DOCK6: variants seen among roughly 807,000 people sequenced by gnomAD.
DOCK6 encodes dedicator of cytokinesis protein 6.
A neutral mutation model predicts 230.3 loss-of-function variants in DOCK6; 167 were observed. The ratio of observed to expected loss-of-function variants is 0.73; its 90% confidence interval spans 0.64 to 0.82. The LOEUF is 0.82. Ranked by LOEUF, DOCK6 falls within the 40% of genes least tolerant of loss-of-function variation. The probability of loss-of-function intolerance (pLI) is 0.00; values close to 1 mark genes in which losing one functional copy is unlikely to be tolerated. For missense variants in DOCK6, 2,598 were observed against 2,825.8 expected (o/e 0.92, Z 1.83); for synonymous variants, 1,148 against 1,185.0 (o/e 0.97, Z 0.64).
intron 1 of DOCK6, among the ~76,000 whole-genome samples, chr19:11,257,526 T>C (rs903309775): frequency 6.7e-6 from 1 of 149,372 alleles, no homozygotes; most frequent in African/African-American, 2.5e-5. Context: ...CTGTGGCTTA[T>C]GCCTGTAATC....
chr19:11,201,143 T>A lies in DOCK6; in HGVS notation c.5689-91A>T. 1 of 1,485,154 alleles carries A rather than the reference T, an allele frequency of 6.7e-7. No individual in the cohort carries two copies. Among genetic ancestry groups the A allele is most frequent in the Non-Finnish European group, 9.1e-7 (1 of 1,094,536 alleles). The allele number at this position is 1,485,154 out of a possible 1,614,324, so 92.0% of individuals were successfully genotyped here. A position where few individuals can be genotyped will look rare whatever the true frequency, so the allele number is the denominator to read the frequency against. On this transcript the variant is annotated intron_variant, in intron 44 of 47. Transcript: ENST00000294618. The surrounding 1 kb of genome is among the most constrained non-coding windows in gnomAD (Gnocchi z 4.3). Reference sequence around the variant, plus strand: ...GGGGCAGCTCAGACCCCGCTGGGAGTGAGAGGGGTCCAAGAACCCAGGCAA... The same window carrying A: ...GGGGCAGCTCAGACCCCGCTGGGAGAGAGAGGGGTCCAAGAACCCAGGCAA...
intron 24 of DOCK6, among the ~76,000 whole-genome samples, chr19:11,223,665 G>T (rs2079617388): frequency 6.6e-6 from 1 of 151,760 alleles, no homozygotes; most frequent in Non-Finnish European, 1.5e-5. Context: ...TTTATTTTTT[G>T]AGATGGAGTC....
At chr19:11,239,498 C>A in intron 14 of DOCK6, 1 of 1,060,816 alleles carries the variant, frequency 9.4e-7, no homozygotes, top group Non-Finnish European at 1.4e-6. Context: ...TCGCCTGATG[C>A]AACTATCGCA....
intron 31 of DOCK6, 78 bp downstream of exon 31, chr19:11,215,723 C>A: frequency 6.2e-7 from 1 of 1,600,822 alleles, no homozygotes; most frequent in South Asian, 1.1e-5. Context: ...CTAGGGATGG[C>A]CCCCTTCATG....
At chr19:11,213,452 C>G in intron 34 of DOCK6, 124 bp from the exon 35 acceptor site, 1 of 1,389,942 alleles carries the variant, frequency 7.2e-7, no homozygotes, top group African/African-American at 1.4e-5. Flanking sequence ...CCAAGTACCA[C>G]TGGGTTCGGA....
At chr19:11,242,643 C>G (rs1440897699) in intron 13 of DOCK6, among the ~76,000 whole-genome samples, 2 of 151,988 alleles carry the variant, frequency 1.3e-5, no homozygotes, top group Non-Finnish European at 2.9e-5. Flanking sequence ...CTGCCCGCCT[C>G]GGCCTCCCAA....
At chr19:11,212,769 T>C (rs1022113962) in intron 35 of DOCK6, among the ~76,000 whole-genome samples, 1 of 151,744 alleles carries the variant, frequency 6.6e-6, no homozygotes, top group Admixed American at 6.6e-5. Context: ...TCCATCATGT[T>C]GGCTGGGCTG....
chr19:11,220,851 G>GTCTCGC (rs2079567630), intron 28 of DOCK6, among the ~76,000 whole-genome samples: 1 of 145,676 alleles, frequency 6.9e-6, no homozygotes, highest in African/African-American at 2.6e-5. Context: ...TTGAGACGGA[G>GTCTCGC]TCTCGCTCTG....
At chr19:11,242,988 T>C in intron 13 of DOCK6, 71 bp downstream of exon 13, 1 of 1,559,176 alleles carries the variant, frequency 6.4e-7, no homozygotes, top group East Asian at 2.2e-5. Flanking sequence ...GCACAGTAGG[T>C]GCTCTCAGTG....
At chr19:11,233,526 G>C (rs893066704) in intron 21 of DOCK6, among the ~76,000 whole-genome samples, 160 bp from the exon 22 acceptor site, 1 of 152,000 alleles carries the variant, frequency 6.6e-6, no homozygotes, top group African/African-American at 2.4e-5. Context: ...CACAGAGATT[G>C]GGGGGGCACT....
rs750314919 is a variant in DOCK6, at chr19:11,202,673, C to A, written c.5272G>T (p.Gly1758Cys). Reference protein sequence around the residue: ...FGTYFRVGFYGAHFGDLDEQE... With the variant: ...FGTYFRVGFYCAHFGDLDEQE... ...TCATCCAGGTCACCGAAGTGGGCGC[C>A]GTAGAAGCCCACGCGGAAATACGTC... The change falls in exon 42 of 48, where the codon GGC becomes TGC. Residue 1758 changes from glycine to cysteine, a missense_variant. Gly to Cys is a radical substitution (Grantham distance 159, BLOSUM62 -3). Coordinates refer to ENST00000294618, the MANE Select transcript of DOCK6 (RefSeq NM_020812.4). This position sits in a 1 kb window ranked among gnomAD's most constrained non-coding sequence, Gnocchi z 5.3. The A allele has an allele frequency of 6.2e-7, 1 of 1,613,814 alleles. No individual in the cohort carries two copies. Among genetic ancestry groups the A allele is most frequent in the African/African-American group, 1.3e-5 (1 of 74,926 alleles).
rs1467255867 is a variant in DOCK6 at position 11,250,879 on chromosome 19, C to T, written c.715G>A (p.Asp239Asn). 1 of 1,593,402 alleles carries T rather than the reference C, an allele frequency of 6.3e-7. No individual in the cohort carries two copies. Among genetic ancestry groups the T allele is most frequent in the Non-Finnish European group, 8.6e-7 (1 of 1,163,508 alleles). The change falls in exon 6 of 48, where the codon GAC becomes AAC. Residue 239 changes from aspartate (D) to asparagine (N), a missense_variant. Physicochemically the swap from Asp to Asn is conservative, Grantham distance 23. Coordinates refer to ENST00000294618, the MANE Select transcript of DOCK6 (RefSeq NM_020812.4). ...ATCTGGGAAGGGGCACCCACCTCGT[C>T]AGGTGCCGGGTAGAGGGTGAGCAGG... ...PALLTLYPAP[D>N]EDEAVERCSR...
chr19:11,220,855 C>T (rs4804153), intron 28 of DOCK6, among the ~76,000 whole-genome samples: 17,996 of 144,318 alleles, frequency 0.12, 1,341 homozygotes, highest in East Asian at 0.25. Context: ...GACGGAGTCT[C>T]GCTCTGTCGC....
At chr19:11,211,962 G>T (rs1182135502) in intron 36 of DOCK6, 31 bp downstream of exon 36, 1 of 1,589,876 alleles carries the variant, frequency 6.3e-7, no homozygotes, top group Non-Finnish European at 8.6e-7. Context: ...TATATGAAGG[G>T]GAGGCGGGGC....
In DOCK6 at chr19:11,245,893, G is replaced by C. The variant is rs751991953; in HGVS notation, c.807-15C>G. On this transcript the variant is annotated splice_polypyrimidine_tract_variant and intron_variant, in intron 7 of 47. Coordinates refer to ENST00000294618, the MANE Select transcript of DOCK6 (RefSeq NM_020812.4). ...CAATCTCGAACCTACAAGTAAATGG[G>C]AGGGAGGGGGCTCTCCTTAACACTT... 5.1e-6 allele frequency: 8 copies of C among 1,555,160 alleles called. No individual in the cohort carries two copies. The Admixed American group carries it at 1.6e-4, about 30-fold the overall frequency.
chr19:11,226,573 G>A (rs748003290), intron 24 of DOCK6, among the ~76,000 whole-genome samples: 10 of 152,220 alleles, frequency 6.6e-5, no homozygotes, highest in South Asian at 2.1e-4. Context: ...CAGGAGAATC[G>A]CTTGAACCTG....
Position 11,222,072 on chromosome 19 carries a change from C to T in DOCK6, c.3380+37G>A, listed in dbSNP as rs776871502. ...AGGGTGGACATGGCTCCTGGACTGT[C>T]CCACCTGTCCTGGGGCTAGACAGGA... On this transcript the variant is annotated intron_variant, in intron 27 of 47. Transcript: ENST00000294618. This position sits in a 1 kb window ranked among gnomAD's most constrained non-coding sequence, Gnocchi z 4.0. The T allele has an allele frequency of 7.5e-6, 12 of 1,607,592 alleles. No individual in the cohort carries two copies. The highest frequency in any genetic ancestry group is 9.4e-6 in the Non-Finnish European group (11 of 1,175,410).
In DOCK6 at chr19:11,221,923, G is replaced by A. The variant is rs199927990; in HGVS notation, c.3478C>T (p.Arg1160Cys). 1.5e-5 allele frequency: 25 copies of A among 1,613,418 alleles called. No homozygotes were observed. Among genetic ancestry groups the A allele is most frequent in the African/African-American group, 8.0e-5 (6 of 75,010 alleles). ...PRYAEATVKA[R>C]VAELYLPLLS... ...AGTGGCAGGTACAGCTCGGCCACACGAGCCTTCACAGTGGCCTCGGCGTAG... is the reference window on the plus strand; with the variant it reads ...AGTGGCAGGTACAGCTCGGCCACACAAGCCTTCACAGTGGCCTCGGCGTAG... Residue 1160 changes from arginine (R) to cysteine (C), a missense_variant, in exon 28 of 48, where the codon CGT (arginine) becomes TGT (cysteine). Arg to Cys is a radical substitution (Grantham distance 180). Transcript: ENST00000294618.
rs1012192758 is a variant in DOCK6, at chr19:11,243,312, G to C, written c.1332C>G (p.Cys444Trp). The C allele has an allele frequency of 3.7e-6, 6 of 1,601,516 alleles. No individual in the cohort carries two copies. The highest frequency in any genetic ancestry group is 5.1e-6 in the Non-Finnish European group (6 of 1,174,840). Reference protein sequence around the residue: ...QDRASSGDDACSFSGFRPATL... With the variant: ...QDRASSGDDAWSFSGFRPATL... The stretch of plus-strand genomic sequence containing the variant: ...TGGCTGGACGGAAGCCAGAGAAGCT[G>C]CAGGCGTCGTCCCCACTACTCGCCC... The change falls in exon 12 of 48, where the codon TGC (cysteine) becomes TGG (tryptophan). Residue 444 changes from cysteine (C) to tryptophan (W), a missense_variant. Transcript: ENST00000294618. The surrounding 1 kb of genome is among the most constrained non-coding windows in gnomAD (Gnocchi z 6.3).
Sources: gnomAD v4.1 joint callset for allele counts (sites outside exome capture counted in the v4.1 genomes callset) on GRCh38, gnomAD v4.1.1 for gene constraint, Gnocchi (gnomAD v3.1) non-coding constraint, MANE v1.5 for transcripts, NCBI Gene and HGNC (gene_info 2026-07-23, HGNC 2026-07-21) for gene names.